WWOX: variants seen among roughly 807,000 people sequenced by gnomAD.
The protein encoded by WWOX is WW domain-containing oxidoreductase.
WWOX carries 69 observed loss-of-function variants against 46.2 expected under a neutral mutation model. The ratio of observed to expected loss-of-function variants is 1.49; its 90% confidence interval spans 1.23 to 1.82. The LOEUF is 1.82. WWOX is among the 40% of genes most tolerant of loss of function. WWOX has a pLI of 0.00. For missense variants in WWOX, 919 were observed against 542.6 expected (o/e 1.69, Z -6.89); for synonymous variants, 359 against 202.6 (o/e 1.77, Z -6.56).
chr16:78,734,516 A>T (rs1869631822), intron 8 of WWOX, among the ~76,000 whole-genome samples: 1 of 151,872 alleles, frequency 6.6e-6, no homozygotes, highest in Non-Finnish European at 1.5e-5. Context: ...TTCTTTACCT[A>T]CCTGGGACCT....
At chr16:78,573,904 A>T (rs544350737) in intron 8 of WWOX, among the ~76,000 whole-genome samples, 1 of 152,236 alleles carries the variant, frequency 6.6e-6, no homozygotes, top group Admixed American at 6.5e-5. Flanking sequence ...GTGGATCAGG[A>T]ATCTGAGTAT....
chr16:78,867,620 A>G (rs1334604470), intron 8 of WWOX, among the ~76,000 whole-genome samples: 1 of 151,780 alleles, frequency 6.6e-6, no homozygotes, highest in Non-Finnish European at 1.5e-5. Flanking sequence ...AGTTCACTGC[A>G]ACTACAACAT....
chr16:79,018,902 A>T (rs2047471500), intron 8 of WWOX, among the ~76,000 whole-genome samples: 1 of 151,980 alleles, frequency 6.6e-6, no homozygotes, highest in South Asian at 2.1e-4. Flanking sequence ...TGTAATCCCA[A>T]CACTTTGGGA....
intron 5 of WWOX, among the ~76,000 whole-genome samples, chr16:78,245,687 A>G (rs1363509708): frequency 1.3e-5 from 2 of 152,228 alleles, no homozygotes; most frequent in Non-Finnish European, 2.9e-5. Context: ...GGGATTTGTC[A>G]TCCCATAGAA....
intron 8 of WWOX, among the ~76,000 whole-genome samples, chr16:79,010,837 G>A (rs1017241352): frequency 6.6e-6 from 1 of 151,908 alleles, no homozygotes. Flanking sequence ...TTCAGTGACA[G>A]TCTGGTGGCC....
chr16:78,695,784 T>C (rs564877142), intron 8 of WWOX, among the ~76,000 whole-genome samples: 1 of 152,280 alleles, frequency 6.6e-6, no homozygotes, highest in East Asian at 1.9e-4. Flanking sequence ...TAAAAACATA[T>C]ATTGAGCATT....
At chr16:78,633,953 C>G (rs1268525878) in intron 8 of WWOX, among the ~76,000 whole-genome samples, 1 of 151,264 alleles carries the variant, frequency 6.6e-6, no homozygotes, top group Non-Finnish European at 1.5e-5. Context: ...CTCTGCCGAC[C>G]AAAGGCTGAG....
intron 6 of WWOX, among the ~76,000 whole-genome samples, chr16:78,395,835 G>A (rs1191757325): frequency 6.6e-6 from 1 of 151,994 alleles, no homozygotes; most frequent in Non-Finnish European, 1.5e-5. Flanking sequence ...TGGACCCAAG[G>A]ATGCTTCACA....
chr16:78,509,602 C>G (rs1250102619), intron 8 of WWOX, among the ~76,000 whole-genome samples: 1 of 152,132 alleles, frequency 6.6e-6, no homozygotes, highest in Non-Finnish European at 1.5e-5. Context: ...TGCTTCCCAG[C>G]CCTGCATTCA....
intron 8 of WWOX, among the ~76,000 whole-genome samples, chr16:78,914,744 T>G (rs1010248151): frequency 2.7e-4 from 41 of 150,104 alleles, no homozygotes; most frequent in Middle Eastern, 3.4e-3. Context: ...CTGGGCATGC[T>G]GGCAGGCGCC....
Position 79,051,617 on chromosome 16 carries a change from G to A in WWOX, c.1057-159991G>A, listed in dbSNP as rs904203755. Among the ~76,000 whole-genome samples, 7 of 152,148 alleles carry A rather than the reference G, an allele frequency of 4.6e-5. No individual in the cohort carries two copies. In the South Asian group the frequency reaches 6.2e-4, roughly 14 times the overall value. ...AACATTAGTGAACAGCCAGGCAGTC[G>A]CTGCCTCAAATTTCTTTAGTGTTAT... On this transcript the variant is annotated intron_variant, in intron 8 of 8. Coordinates refer to ENST00000566780, the MANE Select transcript of WWOX (RefSeq NM_016373.4).
Position 79,102,001 on chromosome 16 carries a change from C to T in WWOX, c.1057-109607C>T, listed in dbSNP as rs116306919. On this transcript the variant is annotated intron_variant, in intron 8 of 8. Coordinates refer to ENST00000566780, the MANE Select transcript of WWOX (RefSeq NM_016373.4). ...ATTCAAGCTGCATCATCTTCCTCCT[C>T]CCAGCAGATGAAGACCAAAGGTGGA... 5.2e-3 allele frequency among the ~76,000 whole-genome samples: 736 copies of T among 140,508 alleles called. 8 individuals carry two copies. Among genetic ancestry groups the T allele is most frequent in the African/African-American group, 0.019 (703 of 37,576 alleles). 92.2% of individuals were successfully genotyped at this position (140,508 alleles called of 152,430 possible).
chr16:78,757,128 C>T, intron 8 of WWOX: 1 of 646,178 alleles, frequency 1.5e-6, no homozygotes, highest in East Asian at 2.7e-5. Context: ...TCTAGAACCA[C>T]CGAGCTAAGC....
chr16:78,496,671 G>A (rs1048732386), intron 8 of WWOX, among the ~76,000 whole-genome samples: 4 of 152,296 alleles, frequency 2.6e-5, no homozygotes, highest in East Asian at 3.9e-4. Context: ...TGGTTTACTC[G>A]TGGTTTCAGG....
chr16:78,874,963 G>C (rs142579444), intron 8 of WWOX, among the ~76,000 whole-genome samples: 1,791 of 152,208 alleles, frequency 0.012, 37 homozygotes, highest in African/African-American at 0.041. Context: ...CTGCCCCCAT[G>C]ACTTCACGTT....
rs2051789568 is a variant in WWOX at position 79,212,250 on chromosome 16, G to GAGAT, written c.*456_*459dup. On this transcript the variant is annotated 3_prime_UTR_variant, in exon 9 of 9. Coordinates refer to ENST00000566780, the MANE Select transcript of WWOX (RefSeq NM_016373.4). The stretch of plus-strand genomic sequence containing the variant: ...ACTGCTCCTTGCTGCATTGATCCAG[G>GAGAT]AGATAATTGTTTCATTCATCCTGAC... The GAGAT allele has an allele frequency of 3.0e-6, 4 of 1,332,180 alleles. No homozygotes were observed. Among genetic ancestry groups the GAGAT allele is most frequent in the Non-Finnish European group, 4.0e-6 (4 of 1,006,996 alleles). The allele number at this position is 1,332,180 out of a possible 1,614,324, so 82.5% of individuals were successfully genotyped here.
intron 8 of WWOX, among the ~76,000 whole-genome samples, chr16:78,928,351 C>T (rs1051014137): frequency 5.4e-4 from 82 of 151,622 alleles, no homozygotes; most frequent in African/African-American, 1.8e-3. Flanking sequence ...TACAGGCGCC[C>T]GCTACCACGC....
chr16:79,052,719 C>T (rs1166716514), intron 8 of WWOX, among the ~76,000 whole-genome samples: 3 of 152,304 alleles, frequency 2.0e-5, no homozygotes, highest in Middle Eastern at 3.4e-3. Flanking sequence ...GTCCGGTGTT[C>T]TCTCATGGCA....
At chr16:78,977,414 C>G (rs563554793) in intron 8 of WWOX, among the ~76,000 whole-genome samples, 2 of 152,296 alleles carry the variant, frequency 1.3e-5, no homozygotes, top group Admixed American at 6.5e-5. Context: ...ACTCTTTATT[C>G]TGTCCTCGCC....
Sources: gnomAD v4.1 joint callset for allele counts (sites outside exome capture counted in the v4.1 genomes callset) on GRCh38, gnomAD v4.1.1 for gene constraint, MANE v1.5 for transcripts, NCBI Gene and HGNC (gene_info 2026-07-23, HGNC 2026-07-21) for gene names.